MAPKAP1: variants seen among roughly 807,000 people sequenced by gnomAD.
The protein encoded by MAPKAP1 is MAPK associated protein 1.
In MAPKAP1, 20 loss-of-function variants were observed where a neutral mutation model predicts 65.7. The ratio of observed to expected loss-of-function variants is 0.30; its 90% CI spans 0.21 to 0.44. MAPKAP1 has a LOEUF of 0.44. Ranked by LOEUF, MAPKAP1 falls within the 20% of genes least tolerant of loss-of-function variation. The pLI is 1.00. For missense variants in MAPKAP1, 423 were observed against 648.0 expected (o/e 0.65, Z 3.77); for synonymous variants, 222 against 244.3 (o/e 0.91, Z 0.85).
intron 4 of MAPKAP1, among the ~76,000 whole-genome samples, chr9:125,622,227 T>C (rs1283167620): frequency 6.6e-6 from 1 of 152,018 alleles, no homozygotes; most frequent in East Asian, 1.9e-4. Flanking sequence ...CACTGTAGGG[T>C]AAGTGGTTAA....
intron 8 of MAPKAP1, among the ~76,000 whole-genome samples, chr9:125,503,369 C>G (rs1274018137): frequency 6.6e-6 from 1 of 152,252 alleles, no homozygotes. Context: ...CACTGCCAGA[C>G]AGGCAGATAA....
intron 7 of MAPKAP1, among the ~76,000 whole-genome samples, chr9:125,535,125 T>C (rs1163225741): frequency 6.6e-6 from 1 of 152,256 alleles, no homozygotes; most frequent in Non-Finnish European, 1.5e-5. Context: ...GCCTAGTTTC[T>C]GTAGCTTACC....
intron 10 of MAPKAP1, among the ~76,000 whole-genome samples, chr9:125,461,934 A>T (rs1435861452): frequency 1.3e-5 from 2 of 152,168 alleles, no homozygotes; most frequent in African/African-American, 4.8e-5. Context: ...GCAGGGCTGT[A>T]GATATCCACC....
intron 4 of MAPKAP1, among the ~76,000 whole-genome samples, chr9:125,610,654 G>T (rs1323424214): frequency 6.6e-6 from 1 of 152,162 alleles, no homozygotes; most frequent in Non-Finnish European, 1.5e-5. Context: ...AGGTAAAACT[G>T]CCTGTCTTCC....
chr9:125,668,636 T>C (rs1834408069), intron 3 of MAPKAP1, among the ~76,000 whole-genome samples: 1 of 152,184 alleles, frequency 6.6e-6, no homozygotes, highest in Non-Finnish European at 1.5e-5. Flanking sequence ...ATTTCTGAAA[T>C]TGTTTTTCTC....
At chr9:125,532,919 G>A (rs13288963) in intron 7 of MAPKAP1, among the ~76,000 whole-genome samples, 45,903 of 152,142 alleles carry the variant, frequency 0.3, 8,001 homozygotes, top group Middle Eastern at 0.4. Flanking sequence ...AAAGCAATCA[G>A]GTAACAGAAG....
At chr9:125,642,879 T>G (rs1447469897) in intron 4 of MAPKAP1, among the ~76,000 whole-genome samples, 2 of 152,106 alleles carry the variant, frequency 1.3e-5, no homozygotes, top group Non-Finnish European at 2.9e-5. Flanking sequence ...TGGTATCAAT[T>G]TTAACAAAAA....
chr9:125,660,462 C>T (rs186840317), intron 3 of MAPKAP1, among the ~76,000 whole-genome samples: 4 of 152,084 alleles, frequency 2.6e-5, no homozygotes, highest in Admixed American at 2.6e-4. Flanking sequence ...AAGGGAAACC[C>T]CAAGTAAATA....
chr9:125,482,075 T>A (rs1363819783), intron 9 of MAPKAP1, among the ~76,000 whole-genome samples: 5 of 142,202 alleles, frequency 3.5e-5, no homozygotes, highest in Non-Finnish European at 3.0e-5. Context: ...GGGGCTGCAG[T>A]GAGCCGAGAT....
chr9:125,490,786 A>C (rs1021926513), intron 8 of MAPKAP1, among the ~76,000 whole-genome samples: 21 of 152,212 alleles, frequency 1.4e-4, no homozygotes, highest in African/African-American at 5.1e-4. Flanking sequence ...GTCTTCTATA[A>C]GCCCAGACAT....
intron 4 of MAPKAP1, among the ~76,000 whole-genome samples, chr9:125,629,085 ACACAC>A (rs777946120): frequency 1.3e-5 from 2 of 151,088 alleles, no homozygotes; most frequent in Non-Finnish European, 3.0e-5. Context: ...ACACACACAC[ACACAC>A]ACCAGAAAAT....
At chr9:125,489,769 C>A (rs558416239) in intron 8 of MAPKAP1, among the ~76,000 whole-genome samples, 1 of 152,200 alleles carries the variant, frequency 6.6e-6, no homozygotes, top group South Asian at 2.1e-4. Context: ...CTAGGGCCTG[C>A]AGCCAAGAAA....
At chr9:125,654,401 C>T (rs961975294) in intron 4 of MAPKAP1, among the ~76,000 whole-genome samples, 1 of 152,174 alleles carries the variant, frequency 6.6e-6, no homozygotes, top group African/African-American at 2.4e-5. Context: ...ACTGCTTGGC[C>T]ATCAACCTTG....
In MAPKAP1 at chr9:125,464,291, A is replaced by G. The variant is rs557394485; in HGVS notation, c.1345+3681T>C. ...ATTATTTCCCTAAGAAAATTTAAAC[A>G]TGGTAGTTTCTGATACGGAAACATT... On this transcript the variant is annotated intron_variant, in intron 10 of 11. Coordinates refer to ENST00000265960, the MANE Select transcript of MAPKAP1 (RefSeq NM_001006617.3). Among the ~76,000 whole-genome samples the G allele has an allele frequency of 2.6e-5, 4 of 151,698 alleles. No homozygotes were observed. In the South Asian group the frequency reaches 8.3e-4, roughly 32 times the overall value.
At chr9:125,698,260 T>TATATA (rs2131869930) in intron 1 of MAPKAP1, among the ~76,000 whole-genome samples, 1 of 116,802 alleles carries the variant, frequency 8.6e-6, no homozygotes, top group African/African-American at 4.1e-5. Flanking sequence ...ATATAATTTA[T>TATATA]AAATATATAT....
chr9:125,707,046 C>A lies in MAPKAP1; in HGVS notation c.-145G>T, dbSNP rs562404721. The A allele has an allele frequency of 1.1e-4, 44 of 397,394 alleles. No individual in the cohort carries two copies. The highest frequency in any genetic ancestry group is 1.8e-4 in the Non-Finnish European group (41 of 225,548). The allele number at this position is 397,394 out of a possible 1,614,324, so 24.6% of individuals were successfully genotyped here. A position where few individuals can be genotyped will look rare whatever the true frequency, so the allele number is the denominator to read the frequency against. Reference sequence around the variant, plus strand: ...GAGGGGAGGGCCCGGCTCCCCCACGCCTCCCGGCCCCTGCCCCGAGCTCTG... The same window carrying A: ...GAGGGGAGGGCCCGGCTCCCCCACGACTCCCGGCCCCTGCCCCGAGCTCTG... On this transcript the variant is annotated 5_prime_UTR_variant, in exon 1 of 12. Coordinates refer to ENST00000265960, the MANE Select transcript of MAPKAP1 (RefSeq NM_001006617.3).
At chr9:125,460,280 A>G (rs994636606) in intron 10 of MAPKAP1, among the ~76,000 whole-genome samples, 1 of 152,204 alleles carries the variant, frequency 6.6e-6, no homozygotes, top group Admixed American at 6.5e-5. Flanking sequence ...GTGAAAACTT[A>G]ATAGCAAAAA....
intron 3 of MAPKAP1, among the ~76,000 whole-genome samples, chr9:125,659,909 A>G (rs570778134): frequency 5.3e-5 from 8 of 152,262 alleles, no homozygotes; most frequent in South Asian, 2.1e-4. Flanking sequence ...GAGGTCACCA[A>G]TGATCCCTTT....
intron 5 of MAPKAP1, among the ~76,000 whole-genome samples, chr9:125,576,092 A>G (rs971613197): frequency 2.0e-5 from 3 of 152,238 alleles, no homozygotes; most frequent in South Asian, 2.1e-4. Flanking sequence ...AAGGCTACAT[A>G]TGGTATGATT....
Sources: gnomAD v4.1 joint callset for allele counts (sites outside exome capture counted in the v4.1 genomes callset) on GRCh38, gnomAD v4.1.1 for gene constraint, MANE v1.5 for transcripts, NCBI Gene and HGNC (gene_info 2026-07-23, HGNC 2026-07-21) for gene names.